Variants in TRAF2 observed in about 807,000 individuals in gnomAD.
TRAF2 encodes TNF receptor-associated factor 2.
A neutral mutation model predicts 55.6 loss-of-function variants in TRAF2; 6 were observed. That is an observed-to-expected ratio of 0.11 (90% CI 0.06 to 0.21). The LOEUF (loss-of-function observed/expected upper bound fraction) is 0.21. TRAF2 is among the 10% of genes least tolerant of loss of function. The probability of loss-of-function intolerance (pLI) is 1.00; values close to 1 mark genes in which losing one functional copy is unlikely to be tolerated. For missense variants in TRAF2, 561 were observed against 684.5 expected (o/e 0.82, Z 2.01); for synonymous variants, 329 against 276.3 (o/e 1.19, Z -1.89).
At chr9:136,923,211 T>TC (rs1850438920) in intron 9 of TRAF2, among the ~76,000 whole-genome samples, 1 of 152,136 alleles carries the variant, frequency 6.6e-6, no homozygotes, top group Non-Finnish European at 1.5e-5. Flanking sequence ...CGGTCAGGGC[T>TC]CCCTCTGTGG....
In TRAF2 at chr9:136,911,156, C is replaced by T. The variant is rs1208345615; in HGVS notation, c.603+1162C>T. The stretch of plus-strand genomic sequence containing the variant: ...TTGAGACTGTTTCCAGAGTGAAAGA[C>T]GAAGACGGGCGCCCACGCAGCGCGG... On this transcript the variant is annotated intron_variant, in intron 6 of 10. Transcript: ENST00000247668. 3.9e-5 allele frequency among the ~76,000 whole-genome samples: 6 copies of T among 152,162 alleles called. No individual in the cohort carries two copies. In the South Asian group the frequency reaches 6.2e-4, roughly 16 times the overall value.
intron 9 of TRAF2, among the ~76,000 whole-genome samples, chr9:136,923,255 A>C (rs1198876095): frequency 6.6e-6 from 1 of 152,102 alleles, no homozygotes; most frequent in Non-Finnish European, 1.5e-5. Context: ...CATTTAGTGG[A>C]TCTCGCCATG....
In TRAF2 at chr9:136,923,870, A is replaced by G. The variant is rs1588446974; in HGVS notation, c.1157A>G (p.Tyr386Cys). 4.3e-6 allele frequency: 7 copies of G among 1,613,628 alleles called. No individual in the cohort carries two copies. In the East Asian group the frequency reaches 1.6e-4, roughly 36 times the overall value. Reference sequence around the variant, plus strand: ...TCCCCAGCCTTCTACACCAGCAGGTACGGCTACAAGATGTGTCTGCGTATC... The same window carrying G: ...TCCCCAGCCTTCTACACCAGCAGGTGCGGCTACAAGATGTGTCTGCGTATC... ...IFSPAFYTSR[Y>C]GYKMCLRIYL... The change falls in exon 10 of 11, where the codon TAC (tyrosine) becomes TGC (cysteine). Residue 386 changes from tyrosine (Y) to cysteine (C), a missense_variant. Transcript: ENST00000247668.
intron 7 of TRAF2, among the ~76,000 whole-genome samples, chr9:136,918,302 C>T (rs925262605): frequency 6.9e-6 from 1 of 145,576 alleles, no homozygotes; most frequent in Non-Finnish European, 1.5e-5. Flanking sequence ...TTGAGTCTTG[C>T]TTTGTCGCCC....
At chr9:136,910,370 G>A (rs1417204749) in intron 6 of TRAF2, among the ~76,000 whole-genome samples, 1 of 152,224 alleles carries the variant, frequency 6.6e-6, no homozygotes, top group Non-Finnish European at 1.5e-5. Context: ...TTGGGGTGGA[G>A]ACTGGGCGCC....
At chr9:136,922,894 G>A in intron 9 of TRAF2, among the ~76,000 whole-genome samples, 1 of 146,174 alleles carries the variant, frequency 6.8e-6, no homozygotes, top group African/African-American at 2.5e-5. Context: ...GAGAGGACTA[G>A]GACAGGGAGG....
intron 4 of TRAF2, among the ~76,000 whole-genome samples, chr9:136,906,783 G>C (rs574353837): frequency 6.6e-6 from 1 of 152,344 alleles, no homozygotes; most frequent in South Asian, 2.1e-4. Context: ...CCTGTAAGCG[G>C]CACGTTCAGT....
upstream of TRAF2, among the ~76,000 whole-genome samples, chr9:136,882,362 G>A (rs1022248773): frequency 6.6e-6 from 1 of 152,260 alleles, no homozygotes; most frequent in Non-Finnish European, 1.5e-5. Context: ...GGCCCAGTAG[G>A]TAGCTGTGGG....
At position 136,926,006 on chromosome 9, in the gene TRAF2, C is replaced by T. The variant is rs574230558; in HGVS notation, c.*105C>T. On this transcript the variant is annotated 3_prime_UTR_variant, in exon 11 of 11. Transcript: ENST00000247668. The stretch of plus-strand genomic sequence containing the variant: ...TCTCACTGTACAAGTGGGCAGGGGC[C>T]GCGCTTGGGCGCTTGGGAGGGTGTC... 105 of 1,381,868 alleles carry T rather than the reference C, an allele frequency of 7.6e-5. No individual in the cohort carries two copies. The highest frequency in any genetic ancestry group is 6.2e-5 in the Non-Finnish European group (61 of 984,602). 85.6% of individuals were successfully genotyped at this position (1,381,868 alleles called of 1,614,324 possible).
At chr9:136,895,884 G>T (rs373660758) in intron 1 of TRAF2, among the ~76,000 whole-genome samples, 4 of 151,156 alleles carry the variant, frequency 2.6e-5, no homozygotes, top group Admixed American at 6.6e-5. Flanking sequence ...ATGGTTCTGA[G>T]AAGTCATTCC....
In TRAF2 at chr9:136,920,266, G is replaced by A. The variant is rs1850352251; in HGVS notation, c.711G>A (p.Val237=). The A allele has an allele frequency of 6.2e-7, 1 of 1,613,136 alleles. No individual in the cohort carries two copies. The highest frequency in any genetic ancestry group is 8.5e-7 in the Non-Finnish European group (1 of 1,179,778). ...VEGEKQQEHE[V]QWLREHLAML... ...GTGAGAAACAGCAGGAGCACGAGGT[G>A]CAGTGGCTGCGGGAGCACCTGGCCA... is the stretch of plus-strand genomic sequence containing the variant. The change falls in exon 8 of 11, where the codon GTG becomes GTA. Residue 237 remains valine, a synonymous_variant. Transcript: ENST00000247668.
At chr9:136,898,642 A>G in intron 1 of TRAF2, 71 bp from the exon 2 acceptor site, 1 of 1,576,056 alleles carries the variant, frequency 6.3e-7, no homozygotes. Flanking sequence ...GCTACTGATC[A>G]CCATTGGTTT....
At chr9:136,923,770 G>A (rs1277566283) in intron 9 of TRAF2, 82 bp from the exon 10 acceptor site, 11 of 1,480,966 alleles carry the variant, frequency 7.4e-6, no homozygotes, top group Non-Finnish European at 1.0e-5. Context: ...TTTTGTCCCT[G>A]GGGGAGGGCA....
At chr9:136,908,681 A>G (rs530875145) in intron 5 of TRAF2, among the ~76,000 whole-genome samples, 11 of 152,306 alleles carry the variant, frequency 7.2e-5, no homozygotes, top group Non-Finnish European at 7.3e-5. Flanking sequence ...CCTGGCTAAC[A>G]TGGTGAAACC....
intron 1 of TRAF2, chr9:136,890,403 A>G (rs1036945944): frequency 1.3e-5 from 2 of 152,284 alleles, no homozygotes; most frequent in Admixed American, 1.3e-4. Context: ...ACAGAAAGCA[A>G]GAGCAGCCCA....
intron 1 of TRAF2, among the ~76,000 whole-genome samples, chr9:136,896,136 C>G (rs1462948019): frequency 2.6e-5 from 4 of 152,212 alleles, no homozygotes; most frequent in Middle Eastern, 3.2e-3. Context: ...GTCCCCAGTT[C>G]CCTGAATCAA....
chr9:136,902,914 T>C (rs1012893527), intron 4 of TRAF2, among the ~76,000 whole-genome samples: 1 of 152,152 alleles, frequency 6.6e-6, no homozygotes, highest in Non-Finnish European at 1.5e-5. Context: ...CTGCTTAGCT[T>C]TTGAATGTTT....
At chr9:136,884,918 C>A (rs149179693), upstream of TRAF2, among the ~76,000 whole-genome samples, 5 of 152,348 alleles carry the variant, frequency 3.3e-5, no homozygotes, top group African/African-American at 9.6e-5. Context: ...CTCCCAGGTG[C>A]AGCCAGGAGG....
At chr9:136,918,072 C>T (rs1055244532) in intron 7 of TRAF2, among the ~76,000 whole-genome samples, 4 of 151,912 alleles carry the variant, frequency 2.6e-5, no homozygotes, top group Non-Finnish European at 5.9e-5. Flanking sequence ...AGCATGGTCC[C>T]AACAGCAGCA....
Sources: allele counts gnomAD v4.1 joint callset (sites outside exome capture counted in the v4.1 genomes callset), GRCh38; gene constraint gnomAD v4.1.1; transcripts MANE v1.5; gene names NCBI Gene and HGNC (gene_info 2026-07-23, HGNC 2026-07-21).